RBFOX1: variants seen among roughly 807,000 people sequenced by gnomAD.
RBFOX1 encodes RNA binding protein fox-1 homolog 1.
In RBFOX1, 8 loss-of-function variants were observed where a neutral mutation model predicts 57.7. That is an observed-to-expected ratio of 0.14 (90% CI 0.08 to 0.25). The LOEUF (loss-of-function observed/expected upper bound fraction) is 0.25, where lower values mean the gene tolerates loss of function less well. Among genes scored for constraint, RBFOX1 ranks in the 10% least tolerant of loss-of-function variants. The pLI is 1.00. For synonymous variants in RBFOX1, 326 were observed against 222.4 expected (o/e 1.47, Z -4.15); for missense variants, 611 against 548.5 (o/e 1.11, Z -1.14).
At chr16:7,112,199 C>T (rs2064923019) in intron 4 of RBFOX1, among the ~76,000 whole-genome samples, 1 of 152,084 alleles carries the variant, frequency 6.6e-6, no homozygotes, top group South Asian at 2.1e-4. Flanking sequence ...CCATCTTGTA[C>T]ATAGTCAGCA....
At chr16:6,379,282 G>T (rs1296486585) in intron 2 of RBFOX1, among the ~76,000 whole-genome samples, 6 of 152,106 alleles carry the variant, frequency 3.9e-5, no homozygotes, top group African/African-American at 1.4e-4. Flanking sequence ...ACAGTGAAAG[G>T]TGCTTCCCTA....
intron 3 of RBFOX1, among the ~76,000 whole-genome samples, chr16:6,660,173 G>T (rs937321140): frequency 6.6e-6 from 1 of 151,028 alleles, no homozygotes; most frequent in Non-Finnish European, 1.5e-5. Context: ...GCAGTGAGCT[G>T]AGATCTCGCC....
chr16:6,511,814 G>C (rs933542820), intron 2 of RBFOX1, among the ~76,000 whole-genome samples: 2 of 152,186 alleles, frequency 1.3e-5, no homozygotes, highest in Non-Finnish European at 2.9e-5. Context: ...CTTTGTAGAA[G>C]TATCTAGACT....
At chr16:6,709,710 G>T (rs1402858165) in intron 3 of RBFOX1, among the ~76,000 whole-genome samples, 3 of 152,096 alleles carry the variant, frequency 2.0e-5, no homozygotes, top group Admixed American at 6.5e-5. Flanking sequence ...CAGTGTTGCG[G>T]GTTTCGGTGG....
At chr16:7,219,110 C>T (rs1489522481) in intron 4 of RBFOX1, among the ~76,000 whole-genome samples, 1 of 152,168 alleles carries the variant, frequency 6.6e-6, no homozygotes, top group African/African-American at 2.4e-5. Context: ...TCATTGCAGG[C>T]AGCTGAGCTG....
At chr16:6,997,997 A>T (rs1204096926) in intron 3 of RBFOX1, among the ~76,000 whole-genome samples, 1 of 152,142 alleles carries the variant, frequency 6.6e-6, no homozygotes, top group African/African-American at 2.4e-5. Context: ...CAAAGTAAAA[A>T]AAAACTAAAA....
At chr16:5,319,411 TC>T (rs1269730269) in intron 1 of RBFOX1, among the ~76,000 whole-genome samples, 1 of 152,162 alleles carries the variant, frequency 6.6e-6, no homozygotes, top group Non-Finnish European at 1.5e-5. Flanking sequence ...CTGTCTGCCC[TC>T]CCACTGGTCT....
chr16:6,577,171 C>T (rs2097452610), intron 2 of RBFOX1: 1 of 152,190 alleles, frequency 6.6e-6, no homozygotes, highest in Non-Finnish European at 1.5e-5. Context: ...CGCTGAATGA[C>T]TGTGTGGATC....
chr16:7,506,330 G>A (rs1600297817), intron 4 of RBFOX1, among the ~76,000 whole-genome samples: 1 of 151,540 alleles, frequency 6.6e-6, no homozygotes, highest in Non-Finnish European at 1.5e-5. Flanking sequence ...GATTCTGACA[G>A]ATTTGGGTAC....
chr16:7,128,005 G>C (rs1226391323), intron 4 of RBFOX1, among the ~76,000 whole-genome samples: 1 of 152,156 alleles, frequency 6.6e-6, no homozygotes, highest in Non-Finnish European at 1.5e-5. Context: ...TTTGAAATCT[G>C]GTTCTTTGCT....
At chr16:6,027,828 A>G (rs1335929483) in intron 1 of RBFOX1, among the ~76,000 whole-genome samples, 1 of 152,206 alleles carries the variant, frequency 6.6e-6, no homozygotes, top group Non-Finnish European at 1.5e-5. Context: ...TTGAGAGTGA[A>G]GGGGGAAGAA....
At chr16:6,491,301 T>C (rs957686631) in intron 2 of RBFOX1, among the ~76,000 whole-genome samples, 1 of 151,936 alleles carries the variant, frequency 6.6e-6, no homozygotes, top group Non-Finnish European at 1.5e-5. Flanking sequence ...TATCCAGAAG[T>C]ATATGGAATA....
chr16:5,497,622 C>CAAAAAAAAA lies in RBFOX1; in HGVS notation c.258+30376_258+30384dup, dbSNP rs911723996. Among the ~76,000 whole-genome samples the CAAAAAAAAA allele has an allele frequency of 3.0e-4, 16 of 53,378 alleles. 1 individual carries two copies. Among genetic ancestry groups the CAAAAAAAAA allele is most frequent in the African/African-American group, 1.8e-3 (16 of 9,004 alleles). The allele number at this position is 53,378 out of a possible 152,430, so 35.0% of individuals were successfully genotyped here. On this transcript the variant is annotated intron_variant, in intron 2 of 2. Coordinates refer to the RBFOX1 transcript ENST00000585867. The stretch of plus-strand genomic sequence containing the variant: ...TGAAACCCTATCTCTACTAAAAATA[C>CAAAAAAAAA]AAAAAAAAAAAAAAAAGCTGGGCAT...
At chr16:7,114,868 G>A (rs2065552099) in intron 4 of RBFOX1, among the ~76,000 whole-genome samples, 1 of 152,196 alleles carries the variant, frequency 6.6e-6, no homozygotes, top group Non-Finnish European at 1.5e-5. Flanking sequence ...AATACACACT[G>A]TGTGTTGCTT....
At chr16:5,750,807 A>C (rs898233869) in intron 3 of RBFOX1, among the ~76,000 whole-genome samples, 2 of 152,226 alleles carry the variant, frequency 1.3e-5, no homozygotes, top group Non-Finnish European at 2.9e-5. Flanking sequence ...GACACCTTGC[A>C]CTTCCCAGGT....
At chr16:5,599,453 C>G (rs999741618) in exon 3 of RBFOX1, 1 of 541,058 alleles carries the variant, frequency 1.8e-6, no homozygotes, top group East Asian at 3.0e-5. Flanking sequence ...TCCCGTGTAT[C>G]CCTCATCTGT....
At chr16:6,847,004 A>T (rs115527388) in intron 3 of RBFOX1, among the ~76,000 whole-genome samples, 1 of 151,912 alleles carries the variant, frequency 6.6e-6, no homozygotes, top group Non-Finnish European at 1.5e-5. Flanking sequence ...CTTGTTGGGG[A>T]AAAGGGGAAG....
At chr16:7,265,157 C>G (rs140782801) in intron 4 of RBFOX1, among the ~76,000 whole-genome samples, 96 of 152,322 alleles carry the variant, frequency 6.3e-4, no homozygotes, top group African/African-American at 2.3e-3. Flanking sequence ...CAGTGGTTAT[C>G]TTAGTCTATC....
intron 3 of RBFOX1, among the ~76,000 whole-genome samples, chr16:6,738,045 A>G (rs1014417247): frequency 2.0e-5 from 3 of 151,596 alleles, no homozygotes; most frequent in Non-Finnish European, 4.4e-5. Flanking sequence ...CAAAAACACA[A>G]AGGACTTGTC....
Sources: gnomAD v4.1 joint callset for allele counts (sites outside exome capture counted in the v4.1 genomes callset) on GRCh38, gnomAD v4.1.1 for gene constraint, MANE v1.5 for transcripts, NCBI Gene and HGNC (gene_info 2026-07-23, HGNC 2026-07-21) for gene names.